The following SEMA6D variants were observed in gnomAD, a reference collection of about 807,000 sequenced individuals.
The protein encoded by SEMA6D is semaphorin 6D.
Under a neutral mutation model 106.6 loss-of-function variants are expected in SEMA6D, and 35 were observed. That is an observed-to-expected ratio of 0.33 (90% CI 0.25 to 0.44). The LOEUF (loss-of-function observed/expected upper bound fraction) is 0.44, where lower values mean the gene tolerates loss of function less well. Among genes scored for constraint, SEMA6D ranks in the 20% least tolerant of loss-of-function variants. The pLI, the probability that SEMA6D is intolerant of heterozygous loss-of-function variation, is 1.00. For synonymous variants in SEMA6D, 499 were observed against 487.7 expected (o/e 1.02, Z -0.31); for missense variants, 1,185 against 1,345.9 (o/e 0.88, Z 1.87).
At chr15:47,243,788 T>G (rs2033055490) in intron 1 of SEMA6D, among the ~76,000 whole-genome samples, 1 of 152,122 alleles carries the variant, frequency 6.6e-6, no homozygotes. Context: ...TCTTGTTGAG[T>G]GCACTTGTCC....
chr15:47,738,972 T>G (rs1166185611), intron 1 of SEMA6D, among the ~76,000 whole-genome samples: 1 of 152,160 alleles, frequency 6.6e-6, no homozygotes, highest in Non-Finnish European at 1.5e-5. Context: ...ATGGGCCACT[T>G]CATGAGGATG....
intron 1 of SEMA6D, among the ~76,000 whole-genome samples, chr15:47,282,551 G>A (rs552675160): frequency 1.3e-5 from 2 of 152,206 alleles, no homozygotes; most frequent in African/African-American, 4.8e-5. Flanking sequence ...GTAAATGAGT[G>A]GACACATTTC....
chr15:47,455,026 A>T (rs2042305667), intron 2 of SEMA6D, among the ~76,000 whole-genome samples: 1 of 151,938 alleles, frequency 6.6e-6, no homozygotes, highest in South Asian at 2.1e-4. Flanking sequence ...TGATCTCCTT[A>T]AAAAACAGCC....
intron 4 of SEMA6D, among the ~76,000 whole-genome samples, chr15:47,635,432 T>C (rs2077370186): frequency 1.3e-5 from 2 of 152,064 alleles, no homozygotes; most frequent in Admixed American, 1.3e-4. Context: ...CCCAATAGGG[T>C]CCTTTGTTAT....
intron 2 of SEMA6D, among the ~76,000 whole-genome samples, chr15:47,451,194 C>T (rs1019049679): frequency 6.6e-6 from 1 of 151,970 alleles, no homozygotes; most frequent in South Asian, 2.1e-4. Context: ...CAGGTTATGG[C>T]AAGGATTTTA....
At chr15:47,209,230 A>G (rs1022342910) in intron 1 of SEMA6D, among the ~76,000 whole-genome samples, 1 of 152,216 alleles carries the variant, frequency 6.6e-6, no homozygotes, top group African/African-American at 2.4e-5. Flanking sequence ...GAGACATGCC[A>G]TGTTAAATTT....
intron 4 of SEMA6D, among the ~76,000 whole-genome samples, chr15:47,655,491 A>G (rs541248439): frequency 3.5e-4 from 54 of 152,254 alleles, no homozygotes; most frequent in Non-Finnish European, 1.6e-4. Context: ...AAATGTCTTA[A>G]ATAAGACCAC....
At chr15:47,507,399 G>A (rs920560706) in intron 3 of SEMA6D, among the ~76,000 whole-genome samples, 10 of 134,676 alleles carry the variant, frequency 7.4e-5, no homozygotes, top group South Asian at 2.3e-4. Flanking sequence ...TGCCTGAGTC[G>A]GAGACTGGCT....
intron 1 of SEMA6D, among the ~76,000 whole-genome samples, chr15:47,258,010 ATTTC>A (rs915071160): frequency 6.6e-6 from 1 of 152,158 alleles, no homozygotes; most frequent in African/African-American, 2.4e-5. Context: ...TCTCTAATAA[ATTTC>A]TTTCCTCTGT....
At chr15:47,645,768 A>G (rs149236613) in intron 4 of SEMA6D, among the ~76,000 whole-genome samples, 107 of 152,276 alleles carry the variant, frequency 7.0e-4, no homozygotes, top group South Asian at 3.5e-3. Flanking sequence ...CTGACCAACC[A>G]GCTATACATT....
Position 47,771,310 on chromosome 15 carries a change from C to T in SEMA6D, c.2747C>T (p.Ser916Phe). 6.2e-7 allele frequency: 1 copy of T among 1,613,980 alleles called. No homozygotes were observed. The highest frequency in any genetic ancestry group is 8.5e-7 in the Non-Finnish European group (1 of 1,179,954). ...ATGCTGGATCCCATGGGATCGATGT[C>T]TGAGGTCCCACCTAAAGTCCCTAAC... ...NLMLDPMGSM[S>F]EVPPKVPNRE... The change falls in exon 19 of 19, where the codon TCT becomes TTT. Residue 916 changes from serine (S) to phenylalanine (F), a missense_variant. Physicochemically the swap from Ser to Phe is radical, Grantham distance 155. This residue lies in a region of SEMA6D where 750 missense variants were observed against 783.5 expected (regional missense o/e 0.96). Transcript: ENST00000536845.
intron 3 of SEMA6D, among the ~76,000 whole-genome samples, chr15:47,513,524 A>G (rs1227906471): frequency 6.6e-6 from 1 of 152,148 alleles, no homozygotes; most frequent in Non-Finnish European, 1.5e-5. Flanking sequence ...GGAGCCATGT[A>G]TTCCAGGAAA....
chr15:47,256,058 T>A (rs971233494), intron 1 of SEMA6D, among the ~76,000 whole-genome samples: 1 of 152,182 alleles, frequency 6.6e-6, no homozygotes, highest in Admixed American at 6.5e-5. Flanking sequence ...AATCTATGTG[T>A]CTGTTTCTCT....
Position 47,749,629 on chromosome 15 carries a change from C to A in SEMA6D, c.-54-10116C>A, listed in dbSNP as rs541115591. Among the ~76,000 whole-genome samples the A allele has an allele frequency of 1.4e-4, 21 of 152,276 alleles. No homozygotes were observed. In the East Asian group the frequency reaches 3.3e-3, roughly 24 times the overall value. ...GGAAATTCAGCAGGAGAAGTCAAGG[C>A]AAAGTATCTTAAGTTCAATTTTAGA... On this transcript the variant is annotated intron_variant, in intron 1 of 18. Coordinates refer to ENST00000536845, the MANE Select transcript of SEMA6D (RefSeq NM_001358351.3).
chr15:47,511,438 G>A (rs1008968), intron 3 of SEMA6D, among the ~76,000 whole-genome samples: 2,207 of 152,196 alleles, frequency 0.015, 27 homozygotes, highest in African/African-American at 0.032. Context: ...TGACTTGACC[G>A]GGATTGGACA....
chr15:47,451,357 T>C (rs984039454), intron 2 of SEMA6D, among the ~76,000 whole-genome samples: 11 of 151,996 alleles, frequency 7.2e-5, no homozygotes, highest in African/African-American at 2.7e-4. Flanking sequence ...TAAGAACTAC[T>C]TGAGTAGAAT....
At chr15:47,412,955 G>C (rs2040845342) in intron 2 of SEMA6D, among the ~76,000 whole-genome samples, 1 of 152,164 alleles carries the variant, frequency 6.6e-6, no homozygotes, top group Admixed American at 6.5e-5. Context: ...AAGACTCTCT[G>C]AGGCCGATGA....
intron 18 of SEMA6D, among the ~76,000 whole-genome samples, chr15:47,769,102 A>G (rs1203376283): frequency 6.6e-6 from 1 of 152,190 alleles, no homozygotes; most frequent in Non-Finnish European, 1.5e-5. Flanking sequence ...ATATCCTGAT[A>G]TCAGATGTTT....
intron 1 of SEMA6D, among the ~76,000 whole-genome samples, chr15:47,210,803 G>A (rs282517): frequency 0.98 from 144,008 of 147,492 alleles, 70,414 homozygotes; most frequent in Middle Eastern, 1. Context: ...GCCATTGGCA[G>A]TGTGAATCTG....
Sources: gnomAD v4.1 joint callset for allele counts (sites outside exome capture counted in the v4.1 genomes callset) on GRCh38, gnomAD v4.1.1 for gene constraint, gnomAD v4.1.1 regional missense constraint, MANE v1.5 for transcripts, NCBI Gene and HGNC (gene_info 2026-07-23, HGNC 2026-07-21) for gene names.